INO80D: variants seen among roughly 807,000 people sequenced by gnomAD.
INO80D encodes INO80 complex subunit D.
In INO80D, 21 loss-of-function variants were observed where a neutral mutation model predicts 87.6. The observed-to-expected ratio is 0.24, with a 90% CI of 0.17 to 0.35. The LOEUF (loss-of-function observed/expected upper bound fraction) is 0.35, where lower values mean the gene tolerates loss of function less well. Among genes scored for constraint, INO80D ranks in the 10% least tolerant of loss-of-function variants. The pLI, the probability that INO80D is intolerant of heterozygous loss-of-function variation, is 1.00. For synonymous variants in INO80D, 440 were observed against 491.0 expected, an observed-to-expected ratio of 0.90 and a Z score of 1.37; for missense variants, 982 against 1,280.7, an observed-to-expected ratio of 0.77 and a Z score of 3.56.
intron 1 of INO80D, among the ~76,000 whole-genome samples, chr2:206,074,604 C>A (rs939527774): frequency 4.6e-5 from 7 of 151,166 alleles, no homozygotes; most frequent in African/African-American, 1.7e-4. Context: ...AAAACAAAAA[C>A]AAAAAACAGT....
At chr2:206,078,061 C>CAAAAAAAAA (rs71410859) in intron 1 of INO80D, among the ~76,000 whole-genome samples, 4,701 of 63,012 alleles carry the variant, frequency 0.075, 871 homozygotes, top group African/African-American at 0.16. Context: ...GCAATGTTTA[C>CAAAAAAAAA]AAAAAAAAAA....
At position 206,002,309 on chromosome 2, in the gene INO80D, G is replaced by A. The variant is rs1321016598; in HGVS notation, c.*2059C>T. 1.3e-5 allele frequency: 2 copies of A among 152,174 alleles called. No homozygotes were observed. The highest frequency in any genetic ancestry group is 6.5e-5 in the Admixed American group (1 of 15,284). The allele number at this position is 152,174 out of a possible 1,614,324, so 9.4% of individuals were successfully genotyped here. On this transcript the variant is annotated 3_prime_UTR_variant, in exon 11 of 11. Coordinates refer to ENST00000403263, the MANE Select transcript of INO80D (RefSeq NM_017759.5). Reference sequence around the variant, plus strand: ...AGCTTACTAATATAGACTCACAGGTGAGAAATATTCAAATTATCTGTTCTC... The same window carrying A: ...AGCTTACTAATATAGACTCACAGGTAAGAAATATTCAAATTATCTGTTCTC...
intron 4 of INO80D, among the ~76,000 whole-genome samples, chr2:206,047,676 C>T (rs1001208306): frequency 6.6e-6 from 1 of 151,408 alleles, no homozygotes; most frequent in Non-Finnish European, 1.5e-5. Flanking sequence ...AAAAAAAAAT[C>T]AAAAAGTGCA....
chr2:206,021,401 C>T (rs185669473), intron 6 of INO80D, among the ~76,000 whole-genome samples: 8 of 152,168 alleles, frequency 5.3e-5, no homozygotes, highest in Non-Finnish European at 8.8e-5. Flanking sequence ...AGATTTGTCA[C>T]GATTATAAGA....
At position 205,995,343 on chromosome 2, in the gene INO80D, A is replaced by C. The variant is rs368522570; in HGVS notation, c.*9025T>G. Reference sequence around the variant, plus strand: ...TTAAGAAAAACACAACAATAAAAGGAAAAGGAAGATAAATAAATAGTGTGT... The same window carrying C: ...TTAAGAAAAACACAACAATAAAAGGCAAAGGAAGATAAATAAATAGTGTGT... On this transcript the variant is annotated 3_prime_UTR_variant, in exon 11 of 11. Transcript: ENST00000403263. 2 of 152,322 alleles carry C rather than the reference A, an allele frequency of 1.3e-5. No homozygotes were observed. Among genetic ancestry groups the C allele is most frequent in the African/African-American group, 4.8e-5 (2 of 41,576 alleles). 9.4% of individuals were successfully genotyped at this position (152,322 alleles called of 1,614,324 possible). A position where few individuals can be genotyped will look rare whatever the true frequency, so the allele number is the denominator to read the frequency against.
intron 1 of INO80D, among the ~76,000 whole-genome samples, chr2:206,074,933 C>T (rs1690071093): frequency 6.7e-6 from 1 of 149,662 alleles, no homozygotes; most frequent in South Asian, 2.1e-4. Flanking sequence ...GAGCGAAACT[C>T]CATCTCGAGG....
chr2:206,025,098 T>TGG (rs1688569386), intron 6 of INO80D, among the ~76,000 whole-genome samples: 2 of 152,132 alleles, frequency 1.3e-5, no homozygotes, highest in Non-Finnish European at 2.9e-5. Flanking sequence ...AAGTGACTTA[T>TGG]GATCATTACA....
chr2:206,029,236 A>T (rs12622773), intron 5 of INO80D, among the ~76,000 whole-genome samples: 28,105 of 152,026 alleles, frequency 0.18, 3,235 homozygotes, highest in Non-Finnish European at 0.27. Context: ...ACAGCATTTG[A>T]TAAGTCAGGG....
Position 205,997,152 on chromosome 2 carries a change from C to T in INO80D, c.*7216G>A, listed in dbSNP as rs554132260. 3.3e-5 allele frequency: 5 copies of T among 152,078 alleles called. No homozygotes were observed. The highest frequency in any genetic ancestry group is 1.2e-4 in the African/African-American group (5 of 41,528). 9.4% of individuals were successfully genotyped at this position (152,078 alleles called of 1,614,324 possible). ...ATGTCATTGGAACATTTAATACCAA[C>T]TCTACTTTTGACTATTTCAGACCAC... On this transcript the variant is annotated 3_prime_UTR_variant, in exon 11 of 11. Transcript: ENST00000403263.
chr2:206,060,059 G>T (rs369561423), intron 3 of INO80D, among the ~76,000 whole-genome samples: 8 of 152,064 alleles, frequency 5.3e-5, no homozygotes, highest in Non-Finnish European at 1.2e-4. Flanking sequence ...TTCAAAACTC[G>T]GCCAGCCACG....
In INO80D at chr2:205,997,570, TG is replaced by T. The variant is rs1423729873; in HGVS notation, c.*6797del. 2.0e-5 allele frequency: 3 copies of T among 152,162 alleles called. No individual in the cohort carries two copies. Among genetic ancestry groups the T allele is most frequent in the Non-Finnish European group, 1.5e-5 (1 of 67,974 alleles). The allele number at this position is 152,162 out of a possible 1,614,324, so 9.4% of individuals were successfully genotyped here. A position where few individuals can be genotyped will look rare whatever the true frequency, so the allele number is the denominator to read the frequency against. ...ACATAAAAAAGATTCAATAGATCTGTGGTCCCATCACCACAATAGATAAACA... is the reference window on the plus strand; with the variant it reads ...ACATAAAAAAGATTCAATAGATCTGTGTCCCATCACCACAATAGATAAACA... On this transcript the variant is annotated 3_prime_UTR_variant, in exon 11 of 11. Coordinates refer to ENST00000403263, the MANE Select transcript of INO80D (RefSeq NM_017759.5).
At chr2:206,015,790 G>A (rs1293223063) in intron 8 of INO80D, among the ~76,000 whole-genome samples, 2 of 152,170 alleles carry the variant, frequency 1.3e-5, no homozygotes, top group Admixed American at 1.3e-4. Flanking sequence ...GGGAGGCTGA[G>A]GCACAAGAAT....
intron 5 of INO80D, among the ~76,000 whole-genome samples, chr2:206,036,624 G>A (rs1688903511): frequency 6.6e-6 from 1 of 151,888 alleles, no homozygotes; most frequent in Non-Finnish European, 1.5e-5. Flanking sequence ...CTACAAATAG[G>A]GTGCAGTGAA....
Position 206,019,683 on chromosome 2 carries a change from C to T in INO80D, c.1408+53G>A, listed in dbSNP as rs912566050. 7 of 1,303,608 alleles carry T rather than the reference C, an allele frequency of 5.4e-6. No individual in the cohort carries two copies. The African/African-American group carries it at 1.0e-4, about 19-fold the overall frequency. The allele number at this position is 1,303,608 out of a possible 1,614,324, so 80.8% of individuals were successfully genotyped here. On this transcript the variant is annotated intron_variant, in intron 7 of 10. Coordinates refer to ENST00000403263, the MANE Select transcript of INO80D (RefSeq NM_017759.5). Reference sequence around the variant, plus strand: ...TTGAATTAAAAATGAAATATACAGCCCCAAATTAGGTAGTACTTTTTCAAT... The same window carrying T: ...TTGAATTAAAAATGAAATATACAGCTCCAAATTAGGTAGTACTTTTTCAAT...
intron 3 of INO80D, among the ~76,000 whole-genome samples, chr2:206,057,174 G>A (rs542951314): frequency 6.6e-6 from 1 of 152,174 alleles, no homozygotes; most frequent in East Asian, 1.9e-4. Flanking sequence ...CCAGACAGAA[G>A]CAAGTCATTC....
rs770007233 is a variant in INO80D at position 206,009,614 on chromosome 2, C to T, written c.1723G>A (p.Ala575Thr). 8.7e-6 allele frequency: 14 copies of T among 1,613,572 alleles called. No individual in the cohort carries two copies. The highest frequency in any genetic ancestry group is 3.3e-4 in the Middle Eastern group (2 of 5,998). The change falls in exon 9 of 11, where the codon GCC (alanine) becomes ACC (threonine). Residue 575 changes from alanine to threonine, a missense_variant. Transcript: ENST00000403263. ...AVPQGNLSMP[A>T]SVSLPVEASH... ...GCCTCCACTGGCAGTGAGACGCTGG[C>T]GGGCATGCTGAGGTTCCCTTGGGGG...
At chr2:206,074,699 G>A (rs1004816585) in intron 1 of INO80D, among the ~76,000 whole-genome samples, 6 of 152,258 alleles carry the variant, frequency 3.9e-5, no homozygotes, top group African/African-American at 1.2e-4. Flanking sequence ...CAGCACTCTG[G>A]GAGGCTGAGG....
chr2:206,007,264 A>T lies in INO80D; in HGVS notation c.1918+20T>A. 1 of 1,601,906 alleles carries T rather than the reference A, an allele frequency of 6.2e-7. No individual in the cohort carries two copies. Among genetic ancestry groups the T allele is most frequent in the Non-Finnish European group, 8.5e-7 (1 of 1,175,728 alleles). On this transcript the variant is annotated intron_variant, in intron 10 of 10. Coordinates refer to ENST00000403263, the MANE Select transcript of INO80D (RefSeq NM_017759.5). ...CTCATTTTTAAAACCAGTTTCCTTG[A>T]GTCAAAATATTGACTATACCTTCAA...
intron 4 of INO80D, among the ~76,000 whole-genome samples, chr2:206,055,977 G>A (rs952705819): frequency 2.0e-5 from 3 of 152,130 alleles, no homozygotes; most frequent in Non-Finnish European, 4.4e-5. Flanking sequence ...AAATTTTAGT[G>A]CCTGAGGGAA....
Sources: allele counts gnomAD v4.1 joint callset (sites outside exome capture counted in the v4.1 genomes callset), GRCh38; gene constraint gnomAD v4.1.1; transcripts MANE v1.5; gene names NCBI Gene and HGNC (gene_info 2026-07-23, HGNC 2026-07-21).